The following DAB1 variants were observed in gnomAD, a reference collection of about 807,000 sequenced individuals.
The protein encoded by DAB1 is DAB adaptor protein 1.
DAB1 carries 15 observed loss-of-function variants against 64.6 expected under a neutral mutation model. That is an observed-to-expected ratio of 0.23 (90% confidence interval 0.16 to 0.36). The LOEUF (loss-of-function observed/expected upper bound fraction) is 0.36, where lower values mean the gene tolerates loss of function less well. DAB1 is among the 10% of genes least tolerant of loss of function. DAB1 has a pLI of 1.00. For synonymous variants in DAB1, 235 were observed against 251.9 expected, an observed-to-expected ratio of 0.93 and a Z score of 0.64; for missense variants, 596 against 706.7, an observed-to-expected ratio of 0.84 and a Z score of 1.78.
At chr1:58,048,430 G>A (rs1647388360) in intron 5 of DAB1, 5 of 957,662 alleles carry the variant, frequency 5.2e-6, no homozygotes, top group Non-Finnish European at 8.4e-6. Context: ...TGTTATAGCT[G>A]TCATAGCTGC....
chr1:58,167,288 C>G (rs1655893954), intron 4 of DAB1, among the ~76,000 whole-genome samples: 1 of 151,996 alleles, frequency 6.6e-6, no homozygotes, highest in South Asian at 2.1e-4. Flanking sequence ...CTTTGTCTAG[C>G]TAAAGGATTG....
At chr1:58,511,622 C>T (rs1009212284) in intron 2 of DAB1, among the ~76,000 whole-genome samples, 3 of 152,050 alleles carry the variant, frequency 2.0e-5, no homozygotes, top group African/African-American at 7.2e-5. Flanking sequence ...GAGCAAGACC[C>T]TGTCTCAAAA....
chr1:57,817,794 A>T (rs1018083918), intron 6 of DAB1, among the ~76,000 whole-genome samples: 1 of 152,148 alleles, frequency 6.6e-6, no homozygotes, highest in Non-Finnish European at 1.5e-5. Context: ...TCAAGCCCAG[A>T]AAAATGTCAC....
intron 4 of DAB1, among the ~76,000 whole-genome samples, chr1:58,159,602 A>T (rs939399009): frequency 1.3e-5 from 2 of 152,228 alleles, no homozygotes; most frequent in African/African-American, 4.8e-5. Context: ...AACAGAGCCT[A>T]TGGATCATCA....
intron 5 of DAB1, among the ~76,000 whole-genome samples, chr1:58,117,124 A>C (rs879308675): frequency 7.2e-5 from 11 of 152,196 alleles, no homozygotes; most frequent in Admixed American, 6.5e-4. Context: ...CTCACACAAA[A>C]ATGATGAGTA....
chr1:57,390,390 C>T (rs1316720453), intron 1 of DAB1, among the ~76,000 whole-genome samples: 1 of 152,164 alleles, frequency 6.6e-6, no homozygotes, highest in Non-Finnish European at 1.5e-5. Context: ...GAGATAATGT[C>T]TACGAAAATA....
chr1:57,418,288 A>G (rs1263377563), intron 1 of DAB1, among the ~76,000 whole-genome samples: 1 of 152,214 alleles, frequency 6.6e-6, no homozygotes, highest in Non-Finnish European at 1.5e-5. Context: ...CAACACTAAC[A>G]TGAATAAAAA....
chr1:57,165,234 A>G lies in DAB1; in HGVS notation c.68-19805T>C, dbSNP rs534733754. Among the ~76,000 whole-genome samples the G allele has an allele frequency of 2.6e-5, 4 of 152,016 alleles. No homozygotes were observed. In the East Asian group the frequency reaches 5.8e-4, roughly 22 times the overall value. On this transcript the variant is annotated intron_variant, in intron 2 of 14. Transcript: ENST00000371236. ...AACTTTTTTTGTCGCCTTTCTGCAA[A>G]CAAAAGAAAAAATAGGTTTTTTTTT... is the stretch of plus-strand genomic sequence containing the variant.
intron 1 of DAB1, among the ~76,000 whole-genome samples, chr1:57,351,938 T>C (rs1224062263): frequency 6.6e-6 from 1 of 152,182 alleles, no homozygotes; most frequent in African/African-American, 2.4e-5. Context: ...CTAGGAGGCC[T>C]AGCTATAGTC....
intron 7 of DAB1, among the ~76,000 whole-genome samples, chr1:57,505,284 G>A (rs1644331380): frequency 6.6e-6 from 1 of 151,688 alleles, no homozygotes; most frequent in Admixed American, 6.6e-5. Context: ...GCCACACTGT[G>A]GGGTGCTTTT....
intron 6 of DAB1, among the ~76,000 whole-genome samples, chr1:57,674,988 A>G (rs1646549306): frequency 6.6e-6 from 1 of 152,182 alleles, no homozygotes; most frequent in South Asian, 2.1e-4. Context: ...GTGAGAAGAA[A>G]TGTATGTGTC....
intron 1 of DAB1, among the ~76,000 whole-genome samples, chr1:57,404,904 T>G (rs1683511639): frequency 6.6e-6 from 1 of 152,228 alleles, no homozygotes; most frequent in African/African-American, 2.4e-5. Flanking sequence ...TGAACAACTT[T>G]TTTATATCCT....
intron 4 of DAB1, among the ~76,000 whole-genome samples, chr1:57,115,986 A>C (rs1311730557): frequency 1.3e-5 from 2 of 152,112 alleles, no homozygotes; most frequent in Non-Finnish European, 2.9e-5. Flanking sequence ...CTGCCTCCAT[A>C]GTTCAGCTGT....
At chr1:58,447,571 T>C (rs1645082257) in intron 3 of DAB1, among the ~76,000 whole-genome samples, 1 of 152,112 alleles carries the variant, frequency 6.6e-6, no homozygotes, top group Admixed American at 6.5e-5. Context: ...CCAGAGCTTA[T>C]AGATTAGTGA....
intron 1 of DAB1, among the ~76,000 whole-genome samples, chr1:57,339,958 CAG>C (rs1291801755): frequency 6.6e-6 from 1 of 151,310 alleles, no homozygotes; most frequent in Non-Finnish European, 1.5e-5. Flanking sequence ...GTGGAGATAG[CAG>C]AGACTAGCAG....
chr1:58,508,818 C>T (rs1646029044), intron 2 of DAB1, among the ~76,000 whole-genome samples: 1 of 152,072 alleles, frequency 6.6e-6, no homozygotes, highest in South Asian at 2.1e-4. Context: ...AGAGAAACTC[C>T]AGAGCCCAGC....
intron 3 of DAB1, among the ~76,000 whole-genome samples, chr1:58,380,182 T>A (rs560733701): frequency 1.3e-5 from 2 of 152,236 alleles, no homozygotes; most frequent in South Asian, 4.2e-4. Flanking sequence ...GGAATTGTAA[T>A]CCCCACATGT....
At chr1:58,495,185 T>C (rs180148) in intron 3 of DAB1, among the ~76,000 whole-genome samples, 143,060 of 152,164 alleles carry the variant, frequency 0.94, 67,430 homozygotes, top group African/African-American at 0.99. Context: ...AACTAAACAC[T>C]GCAGGTTCTC....
intron 4 of DAB1, among the ~76,000 whole-genome samples, chr1:58,327,394 A>T (rs918033514): frequency 6.6e-6 from 1 of 152,232 alleles, no homozygotes; most frequent in Non-Finnish European, 1.5e-5. Flanking sequence ...CCCAGCCCAA[A>T]CCCACTCCTG....
Sources: gnomAD v4.1 joint callset for allele counts (sites outside exome capture counted in the v4.1 genomes callset) on GRCh38, gnomAD v4.1.1 for gene constraint, MANE v1.5 for transcripts, NCBI Gene and HGNC (gene_info 2026-07-23, HGNC 2026-07-21) for gene names.